Variants in SLC22A15 observed in about 807,000 individuals in gnomAD.
SLC22A15 encodes flipt 1.
A neutral mutation model predicts 62.7 loss-of-function variants in SLC22A15; 45 were observed. The observed-to-expected ratio is 0.72, with a 90% CI of 0.56 to 0.92. SLC22A15 has a LOEUF of 0.92. SLC22A15 is among the 40% of genes least tolerant of loss of function. The pLI, the probability that SLC22A15 is intolerant of heterozygous loss-of-function variation, is 0.00. For synonymous variants in SLC22A15, 264 were observed against 267.0 expected (o/e 0.99, Z 0.11); for missense variants, 622 against 665.6 (o/e 0.93, Z 0.72).
intron 9 of SLC22A15, among the ~76,000 whole-genome samples, chr1:116,064,016 G>A (rs1376038679): frequency 6.6e-6 from 1 of 152,146 alleles, no homozygotes. Flanking sequence ...CTGGCAGTCT[G>A]TAGGAGATCT....
chr1:116,019,051 T>C (rs1346661032), intron 2 of SLC22A15, among the ~76,000 whole-genome samples: 1 of 152,264 alleles, frequency 6.6e-6, no homozygotes, highest in Non-Finnish European at 1.5e-5. Context: ...AAATATCTTT[T>C]CGTGTCCCTG....
At position 116,037,311 on chromosome 1, in the gene SLC22A15, G is replaced by A. The variant is rs1419623119; in HGVS notation, c.1094G>A (p.Arg365Gln). 26 of 1,612,728 alleles carry A rather than the reference G, an allele frequency of 1.6e-5. No homozygotes were observed. The highest frequency in any genetic ancestry group is 2.2e-5 in the East Asian group (1 of 44,862). The change falls in exon 8 of 12, where the codon CGG becomes CAG. Residue 365 changes from arginine to glutamine, a missense_variant. Coordinates refer to ENST00000369503, the MANE Select transcript of SLC22A15 (RefSeq NM_018420.3). Reference sequence around the variant, plus strand: ...TTCTTTCTATTGTTTAGGTTTGGTCGGAAGCGAACATTATCAGCATTTCTG... The same window carrying A: ...TTCTTTCTATTGTTTAGGTTTGGTCAGAAGCGAACATTATCAGCATTTCTG... The part of the protein sequence containing the change: ...IYLINQKWFG[R>Q]KRTLSAFLCL...
chr1:116,019,899 A>T (rs907724974), intron 3 of SLC22A15, among the ~76,000 whole-genome samples, 185 bp downstream of exon 3: 1 of 152,220 alleles, frequency 6.6e-6, no homozygotes, highest in African/African-American at 2.4e-5. Flanking sequence ...GGCACCTTTA[A>T]GTTACTAGCC....
At chr1:116,039,913 A>G (rs1004038281) in intron 8 of SLC22A15, among the ~76,000 whole-genome samples, 7 of 152,208 alleles carry the variant, frequency 4.6e-5, no homozygotes, top group Non-Finnish European at 1.0e-4. Context: ...AGTACATATA[A>G]AGAAAATGAC....
At chr1:116,013,651 TG>T (rs2101240342) in intron 2 of SLC22A15, among the ~76,000 whole-genome samples, 1 of 152,366 alleles carries the variant, frequency 6.6e-6, no homozygotes, top group East Asian at 1.9e-4. Flanking sequence ...AGCAATATTT[TG>T]TTTTTTCAGA....
At chr1:115,994,238 A>G (rs1200135592) in intron 2 of SLC22A15, among the ~76,000 whole-genome samples, 1 of 152,228 alleles carries the variant, frequency 6.6e-6, no homozygotes, top group African/African-American at 2.4e-5. Context: ...CTATGAAAAT[A>G]ACAAACAGCT....
intron 2 of SLC22A15, among the ~76,000 whole-genome samples, chr1:116,004,839 A>T (rs1000508715): frequency 6.6e-5 from 10 of 152,108 alleles, no homozygotes; most frequent in African/African-American, 2.4e-4. Flanking sequence ...AAAATTATGA[A>T]TTCAATTTTC....
chr1:116,003,733 C>A (rs918716415), intron 2 of SLC22A15, among the ~76,000 whole-genome samples: 1 of 152,174 alleles, frequency 6.6e-6, no homozygotes, highest in African/African-American at 2.4e-5. Flanking sequence ...TCAAGACTGT[C>A]TTTCCTACCC....
chr1:116,042,984 C>T (rs1264608485), intron 8 of SLC22A15, among the ~76,000 whole-genome samples: 4 of 152,026 alleles, frequency 2.6e-5, no homozygotes, highest in African/African-American at 4.8e-5. Flanking sequence ...GTTGACCAGA[C>T]TAGAATTAAA....
At chr1:115,977,214 AG>A (rs1204787891) in intron 1 of SLC22A15, among the ~76,000 whole-genome samples, 2 of 151,978 alleles carry the variant, frequency 1.3e-5, no homozygotes, top group African/African-American at 2.4e-5. Flanking sequence ...CCTGGGCTTG[AG>A]GGGGCTTACT....
rs1453451017 is a variant in SLC22A15 at position 115,992,112 on chromosome 1, C to T, written c.169C>T (p.Pro57Ser). The T allele has an allele frequency of 6.2e-7, 1 of 1,613,970 alleles. No individual in the cohort carries two copies. The highest frequency in any genetic ancestry group is 1.1e-5 in the South Asian group (1 of 91,064). ...SYHWDLAELL[P>S]NQSHGNQSAG... ...CCACTGGGACCTGGCAGAGCTCCTGCCAAATCAGAGCCACGGTAACCAGTC... is the reference window on the plus strand; with the variant it reads ...CCACTGGGACCTGGCAGAGCTCCTGTCAAATCAGAGCCACGGTAACCAGTC... The change falls in exon 2 of 12, where the codon CCA (proline) becomes TCA (serine). Residue 57 changes from proline to serine, a missense_variant. Coordinates refer to ENST00000369503, the MANE Select transcript of SLC22A15 (RefSeq NM_018420.3).
intron 1 of SLC22A15, among the ~76,000 whole-genome samples, chr1:115,981,461 T>C (rs144398465): frequency 9.8e-5 from 15 of 152,314 alleles, no homozygotes; most frequent in African/African-American, 3.1e-4. Context: ...CTGGGAACTT[T>C]TGCCTTTCAC....
chr1:116,053,806 G>C (rs1194110333), intron 8 of SLC22A15, among the ~76,000 whole-genome samples: 1 of 151,900 alleles, frequency 6.6e-6, no homozygotes, highest in Admixed American at 6.6e-5. Context: ...GCCAAACTAA[G>C]CTTCATAAGT....
At chr1:115,986,927 A>G (rs1156324697) in intron 1 of SLC22A15, among the ~76,000 whole-genome samples, 1 of 152,220 alleles carries the variant, frequency 6.6e-6, no homozygotes, top group African/African-American at 2.4e-5. Flanking sequence ...ATTAGAGCTG[A>G]GGTTCAGACT....
intron 2 of SLC22A15, among the ~76,000 whole-genome samples, chr1:116,006,744 T>C (rs1050841757): frequency 6.6e-6 from 1 of 152,066 alleles, no homozygotes; most frequent in Non-Finnish European, 1.5e-5. Context: ...TGTTTCTGCT[T>C]GTTCCCATGT....
At chr1:115,984,938 T>A (rs576991139) in intron 1 of SLC22A15, among the ~76,000 whole-genome samples, 8 of 152,348 alleles carry the variant, frequency 5.3e-5, no homozygotes, top group African/African-American at 1.9e-4. Context: ...TGTTTTTAGC[T>A]CTGTTACTAC....
At chr1:116,056,309 G>T (rs1658206132) in intron 8 of SLC22A15, among the ~76,000 whole-genome samples, 1 of 9,010 alleles carries the variant, frequency 1.1e-4, no homozygotes, top group Admixed American at 2.5e-3. Context: ...ATTCACAATT[G>T]CTTAAAGAGA....
intron 2 of SLC22A15, among the ~76,000 whole-genome samples, chr1:115,996,925 G>A (rs1480513212): frequency 4.0e-5 from 6 of 151,782 alleles, no homozygotes; most frequent in African/African-American, 2.4e-5. Context: ...TAAAAAGTAA[G>A]GACAGTTTTT....
At position 116,043,023 on chromosome 1, in the gene SLC22A15, G is replaced by A. The variant is rs1467541631; in HGVS notation, c.1171+5635G>A. Among the ~76,000 whole-genome samples the A allele has an allele frequency of 3.3e-5, 5 of 152,142 alleles. 1 individual carries two copies. The East Asian group carries it at 9.6e-4, about 29-fold the overall frequency. On this transcript the variant is annotated intron_variant, in intron 8 of 11. Transcript: ENST00000369503. ...AAAATCACCAACAGAAAGATATATG[G>A]AAGATCCTCAAATATATGGATATGG...
Sources: gnomAD v4.1 joint callset for allele counts (sites outside exome capture counted in the v4.1 genomes callset) on GRCh38, gnomAD v4.1.1 for gene constraint, MANE v1.5 for transcripts, NCBI Gene and HGNC (gene_info 2026-07-23, HGNC 2026-07-21) for gene names.